VPS54: variants seen among roughly 807,000 people sequenced by gnomAD.
The protein encoded by VPS54 is VPS54 subunit of GARP complex.
VPS54 carries 45 observed loss-of-function variants against 121.5 expected under a neutral mutation model. The observed-to-expected ratio is 0.37, with a 90% CI of 0.29 to 0.47. The LOEUF is 0.47. Among genes scored for constraint, VPS54 ranks in the 20% least tolerant of loss-of-function variants. The probability of loss-of-function intolerance (pLI) is 0.99; values close to 1 mark genes in which losing one functional copy is unlikely to be tolerated. For missense variants in VPS54, 1,090 were observed against 1,131.4 expected (o/e 0.96, Z 0.52); for synonymous variants, 371 against 385.8 (o/e 0.96, Z 0.45).
chr2:63,897,063 A>G (rs1672473121), intron 22 of VPS54, among the ~76,000 whole-genome samples: 1 of 152,226 alleles, frequency 6.6e-6, no homozygotes, highest in African/African-American at 2.4e-5. Context: ...ATAGCTTACA[A>G]TAAAATATAT....
chr2:63,925,721 A>G (rs35002211), intron 12 of VPS54, among the ~76,000 whole-genome samples: 23,080 of 152,244 alleles, frequency 0.15, 2,003 homozygotes, highest in Middle Eastern at 0.2. Context: ...ATGCTGAACG[A>G]AAGAAATCAG....
At chr2:63,943,039 C>T (rs1225965778) in intron 10 of VPS54, among the ~76,000 whole-genome samples, 1 of 152,090 alleles carries the variant, frequency 6.6e-6, no homozygotes, top group African/African-American at 2.4e-5. Context: ...GTGACTTAAC[C>T]CCTCCACGCT....
At chr2:63,948,644 TC>T (rs1675101848) in intron 8 of VPS54, among the ~76,000 whole-genome samples, 1 of 151,982 alleles carries the variant, frequency 6.6e-6, no homozygotes, top group African/African-American at 2.4e-5. Flanking sequence ...CAAGCAATCT[TC>T]CCACCTCAGC....
chr2:63,918,053 C>A (rs1237508232), intron 15 of VPS54, among the ~76,000 whole-genome samples: 1 of 152,020 alleles, frequency 6.6e-6, no homozygotes, highest in South Asian at 2.1e-4. Flanking sequence ...GATAGTAACC[C>A]AATTAATTTA....
intron 1 of VPS54, among the ~76,000 whole-genome samples, chr2:63,988,451 G>A (rs187973255): frequency 9.2e-5 from 14 of 152,214 alleles, no homozygotes; most frequent in African/African-American, 2.6e-4. Context: ...TATGTGTTGC[G>A]GGAAGTCAGG....
intron 1 of VPS54, among the ~76,000 whole-genome samples, chr2:64,003,964 A>G (rs1382854151): frequency 6.6e-6 from 1 of 152,170 alleles, no homozygotes; most frequent in Non-Finnish European, 1.5e-5. Context: ...AACTCCAGAC[A>G]TGGAATACAG....
rs1443118141 is a variant in VPS54 at position 63,975,037 on chromosome 2, T to G, written c.379-2793A>C. 3 of 1,548,258 alleles carry G rather than the reference T, an allele frequency of 1.9e-6. No individual in the cohort carries two copies. In the East Asian group the frequency reaches 7.3e-5, roughly 38 times the overall value. On this transcript the variant is annotated intron_variant, in intron 3 of 22. Transcript: ENST00000272322. ...TCTAGTTTCCCCATTAGCTACAGAG[T>G]TTTTGTAGATTTTTTTTTTCTTTTT...
chr2:63,932,308 C>T (rs575077302), intron 12 of VPS54, among the ~76,000 whole-genome samples: 6 of 152,264 alleles, frequency 3.9e-5, no homozygotes, highest in African/African-American at 4.8e-5. Context: ...ACATATACAC[C>T]GTGGAATACT....
chr2:64,015,151 A>G (rs887540916), intron 1 of VPS54, among the ~76,000 whole-genome samples: 8 of 152,212 alleles, frequency 5.3e-5, no homozygotes, highest in Non-Finnish European at 8.8e-5. Flanking sequence ...TGGATAAAAA[A>G]GATATGACTA....
In VPS54 at chr2:63,893,387, A is replaced by G. The variant is rs779559661; in HGVS notation, c.*43T>C. The G allele has an allele frequency of 6.6e-7, 1 of 1,520,768 alleles. No homozygotes were observed. The highest frequency in any genetic ancestry group is 9.1e-7 in the Non-Finnish European group (1 of 1,095,198). 94.2% of individuals were successfully genotyped at this position (1,520,768 alleles called of 1,614,324 possible). A position where few individuals can be genotyped will look rare whatever the true frequency, so the allele number is the denominator to read the frequency against. ...CATCCAGATTTTCTTCATAACAAAC[A>G]CATCCCATGGTCAGATGAACTACCC... On this transcript the variant is annotated 3_prime_UTR_variant, in exon 23 of 23. Transcript: ENST00000272322.
chr2:63,912,367 A>G lies in VPS54; in HGVS notation c.2603T>C (p.Leu868Ser), dbSNP rs767179515. The G allele has an allele frequency of 4.3e-6, 7 of 1,610,696 alleles. No homozygotes were observed. The highest frequency in any genetic ancestry group is 5.9e-6 in the Non-Finnish European group (7 of 1,178,186). ...SAKLVAIMDS[L>S]FDKLLSKYEV... Reference sequence around the variant, plus strand: ...TACCTTAGATAACAGCTTGTCAAATAAGCTATCCATTATCGCTACAAGCTT... The same window carrying G: ...TACCTTAGATAACAGCTTGTCAAATGAGCTATCCATTATCGCTACAAGCTT... Residue 868 changes from leucine (L) to serine (S), a missense_variant, in exon 20 of 23, where the codon TTA (leucine) becomes TCA (serine). Physicochemically the swap from Leu to Ser is moderately radical, Grantham distance 145 (BLOSUM62 -2). Around this residue, in one of 2 missense-constraint regions of VPS54, gnomAD observed 289 missense variants for 374.4 expected, o/e 0.77. Transcript: ENST00000272322.
intron 1 of VPS54, among the ~76,000 whole-genome samples, chr2:64,016,012 T>G (rs1316864901): frequency 3.3e-5 from 5 of 152,198 alleles, no homozygotes; most frequent in Non-Finnish European, 7.3e-5. Context: ...ATTTCTTGCT[T>G]TACATGGCCA....
intron 22 of VPS54, 88 bp from the exon 23 acceptor site, chr2:63,893,623 A>G (rs1433368596): frequency 7.3e-5 from 84 of 1,145,680 alleles, no homozygotes; most frequent in Non-Finnish European, 8.2e-5. Flanking sequence ...TCAGAGTCCT[A>G]TTATCTAAAA....
chr2:63,903,863 CAG>C (rs1202013559), intron 20 of VPS54, among the ~76,000 whole-genome samples: 1 of 151,854 alleles, frequency 6.6e-6, no homozygotes, highest in Non-Finnish European at 1.5e-5. Flanking sequence ...AAGGAACAAA[CAG>C]AAGACAGCTA....
intron 1 of VPS54, among the ~76,000 whole-genome samples, chr2:64,004,141 G>A (rs1374902938): frequency 6.6e-6 from 1 of 151,524 alleles, no homozygotes. Context: ...TATAACATAT[G>A]GAATAAGTAA....
chr2:63,988,214 T>A (rs912987019), intron 1 of VPS54, among the ~76,000 whole-genome samples: 15 of 152,178 alleles, frequency 9.9e-5, no homozygotes, highest in African/African-American at 3.4e-4. Flanking sequence ...GTTTTGAGGG[T>A]TTTTATTATG....
intron 1 of VPS54, among the ~76,000 whole-genome samples, 190 bp downstream of exon 1, chr2:64,018,746 GGA>G (rs1491551585): frequency 3.4e-5 from 2 of 58,586 alleles, no homozygotes; most frequent in Non-Finnish European, 7.9e-5. Flanking sequence ...AGAGTGAAAA[GGA>G]AAAAAAAAAA....
intron 12 of VPS54, among the ~76,000 whole-genome samples, chr2:63,921,823 T>G (rs906119572): frequency 1.3e-5 from 2 of 152,194 alleles, no homozygotes; most frequent in African/African-American, 4.8e-5. Flanking sequence ...GAATTTTCAT[T>G]CTCCACTGTA....
chr2:64,005,121 T>G (rs1486792567), intron 1 of VPS54, among the ~76,000 whole-genome samples: 3 of 108,058 alleles, frequency 2.8e-5, no homozygotes, highest in East Asian at 4.7e-4. Context: ...TTTTTTTTTT[T>G]GAGACGGAGT....
Sources: gnomAD v4.1 joint callset for allele counts (sites outside exome capture counted in the v4.1 genomes callset) on GRCh38, gnomAD v4.1.1 for gene constraint, gnomAD v4.1.1 regional missense constraint, MANE v1.5 for transcripts, NCBI Gene and HGNC (gene_info 2026-07-23, HGNC 2026-07-21) for gene names.